COQ10B: variants seen among roughly 807,000 people sequenced by gnomAD.
COQ10B encodes coenzyme Q10B, also known as coenzyme Q-binding protein COQ10 homolog B, mitochondrial.
Under a neutral mutation model 27.6 loss-of-function variants are expected in COQ10B, and 12 were observed. The ratio of observed to expected loss-of-function variants is 0.43; its 90% CI spans 0.28 to 0.70. The LOEUF is 0.70. Among genes scored for constraint, COQ10B ranks in the 30% least tolerant of loss-of-function variants. The pLI, the probability that COQ10B is intolerant of heterozygous loss-of-function variation, is 0.17. For missense variants in COQ10B, 278 were observed against 288.7 expected (o/e 0.96, Z 0.27); for synonymous variants, 115 against 103.0 (o/e 1.12, Z -0.71).
intron 3 of COQ10B, among the ~76,000 whole-genome samples, chr2:197,469,423 C>T (rs1002046698): frequency 1.3e-5 from 2 of 152,166 alleles, no homozygotes; most frequent in Admixed American, 1.3e-4. Flanking sequence ...ATGCCCTGCA[C>T]ATAGTATGGT....
chr2:197,457,864 C>T (rs929760776), intron 1 of COQ10B, among the ~76,000 whole-genome samples: 6 of 152,030 alleles, frequency 3.9e-5, no homozygotes, highest in African/African-American at 1.5e-4. Context: ...TCAGTTGATC[C>T]GCCTACCTCA....
At chr2:197,471,570 T>C (rs1301910835) in intron 4 of COQ10B, among the ~76,000 whole-genome samples, 5 of 152,204 alleles carry the variant, frequency 3.3e-5, no homozygotes, top group African/African-American at 1.2e-4. Flanking sequence ...TTTTAAGAAA[T>C]GGTGGCAATT....
chr2:197,459,742 A>AT (rs1031488734), intron 1 of COQ10B, among the ~76,000 whole-genome samples, 190 bp from the exon 2 acceptor site: 1 of 149,732 alleles, frequency 6.7e-6, no homozygotes, highest in Non-Finnish European at 1.5e-5. Flanking sequence ...CTAAGCTGTT[A>AT]TTTTTGTTTT....
chr2:197,470,086 G>A lies in COQ10B; in HGVS notation c.464G>A (p.Gly155Glu), dbSNP rs2085863122. The change falls in exon 4 of 5, where the codon GGG (glycine) becomes GAG (glutamate). Residue 155 changes from glycine (G) to glutamate (E), a missense_variant. Coordinates refer to ENST00000263960, the MANE Select transcript of COQ10B (RefSeq NM_025147.5). Reference sequence around the variant, plus strand: ...TTGTTGTAGGCATCTTGTACTGATGGGAGACTTTTCAATCATTTGGAGACT... The same window carrying A: ...TTGTTGTAGGCATCTTGTACTGATGAGAGACTTTTCAATCATTTGGAGACT... ...PHLVKASCTDGRLFNHLETIW... is the reference protein window; with the variant it reads ...PHLVKASCTDERLFNHLETIW... 6.2e-7 allele frequency: 1 copy of A among 1,611,536 alleles called. No homozygotes were observed. Among genetic ancestry groups the A allele is most frequent in the Non-Finnish European group, 8.5e-7 (1 of 1,178,064 alleles).
At chr2:197,454,139 G>A in intron 1 of COQ10B, 1 of 1,550,108 alleles carries the variant, frequency 6.5e-7, no homozygotes, top group South Asian at 1.2e-5. Context: ...TCGCCATTTA[G>A]TGTTTACAAA....
chr2:197,471,105 T>C lies in COQ10B; in HGVS notation c.549+934T>C, dbSNP rs899238357. 2.0e-5 allele frequency among the ~76,000 whole-genome samples: 3 copies of C among 152,086 alleles called. No individual in the cohort carries two copies. In the East Asian group the frequency reaches 5.8e-4, roughly 29 times the overall value. On this transcript the variant is annotated intron_variant, in intron 4 of 4. Coordinates refer to ENST00000263960, the MANE Select transcript of COQ10B (RefSeq NM_025147.5). ...TAAAACATGCAGAAATAAGGTAATA[T>C]ATTTTTTTCATTTTTTTGCATCTAG...
At position 197,460,348 on chromosome 2, in the gene COQ10B, A is replaced by G. The variant is rs527709451; in HGVS notation, c.254+267A>G. Reference sequence around the variant, plus strand: ...TCCCGAGTAGCAGGCACATGCCACCATGCCTAGCTAATTTTTGTATTTTTA... The same window carrying G: ...TCCCGAGTAGCAGGCACATGCCACCGTGCCTAGCTAATTTTTGTATTTTTA... On this transcript the variant is annotated intron_variant, in intron 2 of 4. Transcript: ENST00000263960. Among the ~76,000 whole-genome samples, 139 of 151,668 alleles carry G rather than the reference A, an allele frequency of 9.2e-4. 1 individual carries two copies. The highest frequency in any genetic ancestry group is 3.2e-3 in the African/African-American group (132 of 41,354).
intron 3 of COQ10B, among the ~76,000 whole-genome samples, chr2:197,464,024 CACAT>C (rs1382952862): frequency 1.3e-3 from 148 of 109,986 alleles, no homozygotes; most frequent in African/African-American, 4.3e-3. Context: ...CACACACACA[CACAT>C]ACATACACAC....
In COQ10B at chr2:197,454,066, G is replaced by A. The variant is rs558369336; in HGVS notation, c.104+402G>A. The A allele has an allele frequency of 2.1e-5, 32 of 1,551,184 alleles. No individual in the cohort carries two copies. In the African/African-American group the frequency reaches 4.2e-4, roughly 21 times the overall value. Reference sequence around the variant, plus strand: ...TGTTTGGCGGTGAGCCCCCTTCTCCGGTTCCTTCTACCTGCCAGATGGTCA... The same window carrying A: ...TGTTTGGCGGTGAGCCCCCTTCTCCAGTTCCTTCTACCTGCCAGATGGTCA... On this transcript the variant is annotated intron_variant, in intron 1 of 4. Transcript: ENST00000263960.
intron 3 of COQ10B, among the ~76,000 whole-genome samples, chr2:197,467,496 G>A (rs1052983127): frequency 6.6e-6 from 1 of 152,114 alleles, no homozygotes; most frequent in Non-Finnish European, 1.5e-5. Context: ...TCCTGCCTCA[G>A]CCTCCTGTGT....
At chr2:197,457,999 A>G (rs2085717678) in intron 1 of COQ10B, among the ~76,000 whole-genome samples, 1 of 152,134 alleles carries the variant, frequency 6.6e-6, no homozygotes, top group Non-Finnish European at 1.5e-5. Context: ...TTTCTCTGTA[A>G]TAAGTGTGTT....
chr2:197,459,813 AG>A, intron 1 of COQ10B, 118 bp from the exon 2 acceptor site: 1 of 609,502 alleles, frequency 1.6e-6, no homozygotes, highest in Non-Finnish European at 2.6e-6. Flanking sequence ...GTATTTTTTC[AG>A]AAACATTCTG....
chr2:197,462,344 A>G (rs2085769914), intron 2 of COQ10B, among the ~76,000 whole-genome samples, 195 bp from the exon 3 acceptor site: 1 of 151,558 alleles, frequency 6.6e-6, no homozygotes, highest in Admixed American at 6.6e-5. Context: ...CTGCCATATC[A>G]TGTATGTGTT....
At chr2:197,455,737 A>C (rs376966035) in intron 1 of COQ10B, among the ~76,000 whole-genome samples, 1 of 152,276 alleles carries the variant, frequency 6.6e-6, no homozygotes, top group African/African-American at 2.4e-5. Flanking sequence ...AGGCAGGAGG[A>C]TCACTTGAAA....
chr2:197,473,971 A>G lies in COQ10B; in HGVS notation c.*47A>G. The G allele has an allele frequency of 7.3e-7, 1 of 1,373,798 alleles. No homozygotes were observed. The highest frequency in any genetic ancestry group is 2.6e-5 in the East Asian group (1 of 38,466). The allele number at this position is 1,373,798 out of a possible 1,614,324, so 85.1% of individuals were successfully genotyped here. On this transcript the variant is annotated 3_prime_UTR_variant, in exon 5 of 5. Transcript: ENST00000263960. Reference sequence around the variant, plus strand: ...ACCTGCTTCTGACTTTAGTTTGTTCACTTTTAGGAAGTATTTTCATGACAT... The same window carrying G: ...ACCTGCTTCTGACTTTAGTTTGTTCGCTTTTAGGAAGTATTTTCATGACAT...
Position 197,473,672 on chromosome 2 carries a change from C to T in COQ10B, c.550-85C>T, listed in dbSNP as rs894420576. 22 of 979,842 alleles carry T rather than the reference C, an allele frequency of 2.2e-5. No homozygotes were observed. In the South Asian group the frequency reaches 2.8e-4, roughly 13 times the overall value. The allele number at this position is 979,842 out of a possible 1,614,324, so 60.7% of individuals were successfully genotyped here. On this transcript the variant is annotated intron_variant, in intron 4 of 4. Transcript: ENST00000263960. ...CTGCACTCCAACCTGGGCAACAAAG[C>T]GAGAGTCCCTCTCCAGGAAAACCAA...
At position 197,453,675 on chromosome 2, in the gene COQ10B, G is replaced by C. The variant is rs775282035; in HGVS notation, c.104+11G>C. On this transcript the variant is annotated intron_variant, in intron 1 of 4. Transcript: ENST00000263960. ...CGTGCGGAATGGCAGGTAATCAACAGCGGGGGCGCTGAGACGAGAGTAGTT... is the reference window on the plus strand; with the variant it reads ...CGTGCGGAATGGCAGGTAATCAACACCGGGGGCGCTGAGACGAGAGTAGTT... The C allele has an allele frequency of 3.7e-6, 6 of 1,608,764 alleles. No homozygotes were observed. The East Asian group carries it at 1.3e-4, about 36-fold the overall frequency.
intron 2 of COQ10B, among the ~76,000 whole-genome samples, chr2:197,461,753 G>A: frequency 6.6e-6 from 1 of 151,874 alleles, no homozygotes; most frequent in East Asian, 2.0e-4. Flanking sequence ...CAAATCTCAT[G>A]TCTCAGCCTC....
intron 1 of COQ10B, among the ~76,000 whole-genome samples, chr2:197,457,458 A>G (rs529151425): frequency 1.4e-4 from 22 of 152,328 alleles, no homozygotes; most frequent in Middle Eastern, 3.4e-3. Flanking sequence ...TATAAAATCA[A>G]CTACTACTTG....
Sources: gnomAD v4.1 joint callset for allele counts (sites outside exome capture counted in the v4.1 genomes callset) on GRCh38, gnomAD v4.1.1 for gene constraint, MANE v1.5 for transcripts, NCBI Gene and HGNC (gene_info 2026-07-23, HGNC 2026-07-21) for gene names.